Variants in COL21A1 observed in about 807,000 individuals in gnomAD.
COL21A1 encodes collagen type XXI alpha 1 chain, also known as collagen alpha-1(XXI) chain.
Under a neutral mutation model 137.9 loss-of-function variants are expected in COL21A1, and 149 were observed. The observed-to-expected ratio is 1.08, with a 90% CI of 0.95 to 1.24. The LOEUF is 1.24. Ranked by LOEUF, COL21A1 falls within the 50% of genes most tolerant of loss-of-function variation. The pLI, the probability that COL21A1 is intolerant of heterozygous loss-of-function variation, is 0.00. For missense variants in COL21A1, 1,167 were observed against 1,158.4 expected, an observed-to-expected ratio of 1.01 and a Z score of -0.11; for synonymous variants, 456 against 391.5, an observed-to-expected ratio of 1.16 and a Z score of -1.95.
intron 6 of COL21A1, 45 bp from the exon 7 acceptor site, chr6:56,167,028 A>G (rs774419491): frequency 2.1e-6 from 3 of 1,430,416 alleles, no homozygotes; most frequent in Non-Finnish European, 2.9e-6. Context: ...GCACAAGCTA[A>G]TTGTTTTATA....
At position 56,098,575 on chromosome 6, in the gene COL21A1, A is replaced by AT. The variant is rs1270837823; in HGVS notation, c.1812+2896_1812+2897insA. ...TATATATAAATATATAAATATATAT[A>AT]AATATATATAAATATATAAATATAT... On this transcript the variant is annotated intron_variant, in intron 17 of 29. Transcript: ENST00000244728. Among the ~76,000 whole-genome samples the AT allele has an allele frequency of 3.8e-4, 14 of 36,440 alleles. 1 individual carries two copies. The highest frequency in any genetic ancestry group is 5.1e-4 in the African/African-American group (4 of 7,844). 23.9% of individuals were successfully genotyped at this position (36,440 alleles called of 152,430 possible). A position where few individuals can be genotyped will look rare whatever the true frequency, so the allele number is the denominator to read the frequency against.
chr6:56,289,639 G>T (rs75463272), intron 1 of COL21A1, among the ~76,000 whole-genome samples: 21,802 of 152,086 alleles, frequency 0.14, 3,782 homozygotes, highest in African/African-American at 0.42. Flanking sequence ...GAATGACCCT[G>T]TATAGCTAGA....
chr6:56,059,289 T>C (rs1765592709), intron 28 of COL21A1, 47 bp from the exon 29 acceptor site: 1 of 1,301,574 alleles, frequency 7.7e-7, no homozygotes, highest in Non-Finnish European at 1.1e-6. Context: ...AATCACTGCC[T>C]TCTAGATTGT....
intron 17 of COL21A1, among the ~76,000 whole-genome samples, chr6:56,092,877 C>A (rs1768970285): frequency 6.6e-6 from 1 of 152,176 alleles, no homozygotes; most frequent in Non-Finnish European, 1.5e-5. Flanking sequence ...AAAGTCTTTT[C>A]AGGGCTGTGT....
chr6:56,290,523 G>C (rs982840629), intron 1 of COL21A1, among the ~76,000 whole-genome samples: 2 of 72,858 alleles, frequency 2.7e-5, no homozygotes, highest in Admixed American at 3.0e-4. Flanking sequence ...TTTTTGAGAC[G>C]AAGTCTTGCT....
intron 1 of COL21A1, among the ~76,000 whole-genome samples, chr6:56,240,631 T>C (rs1401345098): frequency 6.6e-6 from 1 of 152,176 alleles, no homozygotes; most frequent in Non-Finnish European, 1.5e-5. Context: ...AGATGTTCCA[T>C]GATGGCCTAT....
intron 1 of COL21A1, among the ~76,000 whole-genome samples, chr6:56,285,507 A>C (rs1763889013): frequency 6.6e-6 from 1 of 152,228 alleles, no homozygotes; most frequent in Non-Finnish European, 1.5e-5. Flanking sequence ...TGTAGGTAAA[A>C]CAATTCCTTC....
intron 9 of COL21A1, among the ~76,000 whole-genome samples, chr6:56,161,333 C>A (rs2152264737): frequency 6.6e-6 from 1 of 152,294 alleles, no homozygotes. Context: ...GAGTTTGTTA[C>A]CACAACTGTT....
At chr6:56,130,032 T>G (rs1773394049) in intron 12 of COL21A1, among the ~76,000 whole-genome samples, 1 of 151,054 alleles carries the variant, frequency 6.6e-6, no homozygotes, top group South Asian at 2.1e-4. Context: ...GTTTGCTTGT[T>G]TTTGGTTAAG....
chr6:56,358,187 C>T (rs1241775784), intron 1 of COL21A1, among the ~76,000 whole-genome samples: 2 of 152,034 alleles, frequency 1.3e-5, no homozygotes, highest in Non-Finnish European at 2.9e-5. Context: ...TCAGGGAATG[C>T]AATATAGAGA....
rs925947579 is a variant in COL21A1 at position 56,170,788 on chromosome 6, T to A, written c.887A>T (p.Asp296Val). Residue 296 changes from aspartate (D) to valine (V), a missense_variant, in exon 5 of 30, where the codon GAT (aspartate) becomes GTT (valine). Transcript: ENST00000244728. ...ATCAATAGTTAATATTCTCCATAAATCCCAAATTTTCTTGACTTTAAATCT... is the reference window on the plus strand; with the variant it reads ...ATCAATAGTTAATATTCTCCATAAAACCCAAATTTTCTTGACTTTAAATCT... ...TQRFKVKKIW[D>V]LWRILTIDGR... The A allele has an allele frequency of 5.3e-5, 86 of 1,609,444 alleles. No individual in the cohort carries two copies. The Middle Eastern group carries it at 6.6e-4, about 12-fold the overall frequency.
chr6:56,098,865 G>C (rs1451216576), intron 17 of COL21A1, among the ~76,000 whole-genome samples: 1 of 148,286 alleles, frequency 6.7e-6, no homozygotes, highest in Non-Finnish European at 1.5e-5. Context: ...ACAGGCACGT[G>C]CCACCACGCC....
intron 16 of COL21A1, among the ~76,000 whole-genome samples, chr6:56,102,602 A>G (rs889104753): frequency 1.3e-5 from 2 of 152,180 alleles, no homozygotes; most frequent in African/African-American, 4.8e-5. Context: ...ATATTATAAC[A>G]CTGTCATCCA....
intron 12 of COL21A1, among the ~76,000 whole-genome samples, chr6:56,141,132 T>C (rs907693647): frequency 6.6e-6 from 1 of 152,168 alleles, no homozygotes; most frequent in African/African-American, 2.4e-5. Flanking sequence ...GGGGAGATAT[T>C]TGCACTCCCA....
At chr6:56,240,414 C>A (rs573938317) in intron 1 of COL21A1, among the ~76,000 whole-genome samples, 1 of 152,188 alleles carries the variant, frequency 6.6e-6, no homozygotes, top group African/African-American at 2.4e-5. Flanking sequence ...GCCTCCAGAA[C>A]TGTGAGGAAA....
chr6:56,318,921 C>A (rs1764805129), intron 1 of COL21A1, among the ~76,000 whole-genome samples: 1 of 111,350 alleles, frequency 9.0e-6, no homozygotes, highest in South Asian at 3.5e-4. Context: ...CACCTCCCCC[C>A]AAACACACAC....
intron 9 of COL21A1, among the ~76,000 whole-genome samples, chr6:56,159,666 G>A (rs1776049590): frequency 7.2e-6 from 1 of 139,622 alleles, no homozygotes; most frequent in Non-Finnish European, 1.5e-5. Context: ...GTACAATGCT[G>A]GGTATCAAGT....
intron 1 of COL21A1, among the ~76,000 whole-genome samples, chr6:56,258,664 G>T (rs1763174985): frequency 1.3e-5 from 2 of 152,150 alleles, no homozygotes; most frequent in African/African-American, 4.8e-5. Context: ...CAAGCTACCT[G>T]TCACTTGTTG....
rs531992427 is a variant in COL21A1, at chr6:56,101,499, C to T, written c.1785G>A (p.Pro595=). ...GCTCTCCCCGTGTTCCATCCTGCCC[C>T]GGAGCACCAGGGGATCCTGCTTCTC... The part of the protein sequence containing the change: ...FKGEAGSPGA[P]GQDGTRGEPG... Residue 595 remains proline (P), a synonymous_variant, in exon 17 of 30, where the codon CCG becomes CCA. Coordinates refer to ENST00000244728, the MANE Select transcript of COL21A1 (RefSeq NM_030820.4). 148 of 1,595,216 alleles carry T rather than the reference C, an allele frequency of 9.3e-5. No individual in the cohort carries two copies. In the South Asian group the frequency reaches 9.8e-4, roughly 11 times the overall value.
Sources: allele counts gnomAD v4.1 joint callset (sites outside exome capture counted in the v4.1 genomes callset), GRCh38; gene constraint gnomAD v4.1.1; transcripts MANE v1.5; gene names NCBI Gene and HGNC (gene_info 2026-07-23, HGNC 2026-07-21).